The following FGL1 variants were observed in gnomAD, a reference collection of about 807,000 sequenced individuals.
FGL1 encodes fibrinogen-like protein 1.
FGL1 carries 59 observed loss-of-function variants against 43.7 expected under a neutral mutation model. The ratio of observed to expected loss-of-function variants is 1.35; its 90% CI spans 1.10 to 1.68. The LOEUF (loss-of-function observed/expected upper bound fraction) is 1.68, where lower values mean the gene tolerates loss of function less well. Among genes scored for constraint, FGL1 ranks in the 40% most tolerant of loss-of-function variants. The pLI is 0.00. For missense variants in FGL1, 596 were observed against 373.0 expected, an observed-to-expected ratio of 1.60 and a Z score of -4.92; for synonymous variants, 192 against 126.5, an observed-to-expected ratio of 1.52 and a Z score of -3.48.
intron 3 of FGL1, among the ~76,000 whole-genome samples, chr8:17,881,195 G>A (rs1339964226): frequency 1.3e-5 from 2 of 149,416 alleles, no homozygotes; most frequent in African/African-American, 2.5e-5. Context: ...GGAGTGCAGT[G>A]GCACGATCTT....
chr8:17,878,108 C>T (rs954955282), intron 3 of FGL1, among the ~76,000 whole-genome samples: 4 of 152,034 alleles, frequency 2.6e-5, no homozygotes, highest in African/African-American at 9.7e-5. Flanking sequence ...ATGCATGCAC[C>T]ACCAAGCCTG....
chr8:17,882,977 A>ATC (rs2053565246), intron 2 of FGL1, among the ~76,000 whole-genome samples: 1 of 92,968 alleles, frequency 1.1e-5, no homozygotes, highest in Non-Finnish European at 1.7e-5. Flanking sequence ...TAATATATTA[A>ATC]ATATATAATA....
At chr8:17,883,968 C>T (rs2053590292) in intron 2 of FGL1, among the ~76,000 whole-genome samples, 1 of 149,680 alleles carries the variant, frequency 6.7e-6, no homozygotes, top group African/African-American at 2.5e-5. Context: ...TCTTTTCTTT[C>T]CTTTCTTCCC....
At chr8:17,874,629 A>G in intron 3 of FGL1, 108 bp from the exon 4 acceptor site, 2 of 739,188 alleles carry the variant, frequency 2.7e-6, no homozygotes. Context: ...CAGATAACAC[A>G]TGGTATAGAA....
At chr8:17,889,260 C>A (rs140256751) in intron 1 of FGL1, among the ~76,000 whole-genome samples, 1 of 152,120 alleles carries the variant, frequency 6.6e-6, no homozygotes. Flanking sequence ...AACACTCTGC[C>A]GAACTTTGGC....
At chr8:17,885,341 A>G (rs2053611940) in intron 2 of FGL1, 151 bp downstream of exon 2, 5 of 634,710 alleles carry the variant, frequency 7.9e-6, no homozygotes, top group East Asian at 2.8e-5. Flanking sequence ...CTGCTTTACT[A>G]TGTGTCCAGT....
intron 1 of FGL1, among the ~76,000 whole-genome samples, chr8:17,894,985 T>G (rs1768986855): frequency 6.6e-6 from 1 of 150,946 alleles, no homozygotes; most frequent in South Asian, 2.1e-4. Context: ...TAATGAAATT[T>G]TTTTGACAGG....
chr8:17,871,124 A>G (rs186674689), intron 5 of FGL1, among the ~76,000 whole-genome samples: 70 of 152,226 alleles, frequency 4.6e-4, no homozygotes, highest in Non-Finnish European at 8.1e-4. Flanking sequence ...CTCTCAAGGT[A>G]GTAAAGGTCA....
At chr8:17,892,336 G>A (rs1563464301) in intron 1 of FGL1, among the ~76,000 whole-genome samples, 1 of 151,734 alleles carries the variant, frequency 6.6e-6, no homozygotes, top group East Asian at 1.9e-4. Flanking sequence ...AAATAAAGAT[G>A]GAAAACAAAA....
intron 1 of FGL1, among the ~76,000 whole-genome samples, chr8:17,892,932 G>A (rs1394097001): frequency 6.6e-6 from 1 of 152,190 alleles, no homozygotes; most frequent in African/African-American, 2.4e-5. Context: ...AGGCGTGGTG[G>A]CTCATGCCTG....
chr8:17,893,211 C>G (rs550714612), intron 1 of FGL1, among the ~76,000 whole-genome samples: 1 of 151,900 alleles, frequency 6.6e-6, no homozygotes, highest in Non-Finnish European at 1.5e-5. Context: ...AAAAAACAAA[C>G]AAACAAACAA....
At position 17,895,414 on chromosome 8, in the gene FGL1, A is replaced by G. The variant is rs769730197; in HGVS notation, c.-18+33T>C. 12 of 1,275,874 alleles carry G rather than the reference A, an allele frequency of 9.4e-6. No individual in the cohort carries two copies. In the African/African-American group the frequency reaches 1.1e-4, roughly 11 times the overall value. The allele number at this position is 1,275,874 out of a possible 1,614,324, so 79.0% of individuals were successfully genotyped here. On this transcript the variant is annotated intron_variant, in intron 1 of 7. Coordinates refer to ENST00000427924, the MANE Select transcript of FGL1 (RefSeq NM_004467.4). Reference sequence around the variant, plus strand: ...GAAATAAATTAGCATTATTACAAGCATGTCAAAAATGCAGAGACATTAAAT... The same window carrying G: ...GAAATAAATTAGCATTATTACAAGCGTGTCAAAAATGCAGAGACATTAAAT...
At chr8:17,871,348 G>C (rs1261531945) in intron 5 of FGL1, among the ~76,000 whole-genome samples, 1 of 151,960 alleles carries the variant, frequency 6.6e-6, no homozygotes, top group African/African-American at 2.4e-5. Flanking sequence ...ACAAAAATTA[G>C]CTGGGTGTGG....
intron 2 of FGL1, chr8:17,882,429 A>G (rs2053551466): frequency 2.9e-6 from 1 of 347,042 alleles, no homozygotes; most frequent in Non-Finnish European, 5.3e-6. Flanking sequence ...TCGCTATGCT[A>G]GGAGCTTTAT....
chr8:17,875,535 C>CTCTCTCTCTCTCTCTCTCTCTT (rs2053437627), intron 3 of FGL1, among the ~76,000 whole-genome samples: 1 of 25,456 alleles, frequency 3.9e-5, no homozygotes, highest in African/African-American at 1.4e-4. Context: ...TTCTTTCTTT[C>CTCTCTCTCTCTCTCTCTCTCTT]TCTTTCTTTC....
At chr8:17,871,929 A>T (rs17116494) in intron 5 of FGL1, among the ~76,000 whole-genome samples, 4 of 152,208 alleles carry the variant, frequency 2.6e-5, no homozygotes, top group African/African-American at 9.7e-5. Flanking sequence ...TGAATTTCAT[A>T]TATTTAGAAA....
Position 17,868,619 on chromosome 8 carries a change from C to T in FGL1, c.708G>A (p.Thr236=), listed in dbSNP as rs960450032. ...WASHQRMKFS[T]WDRDHDNYEG... is the part of the protein sequence containing the mutation. ...CATAGTTGTCATGATCTCTGTCCCA[C>T]GTGCTGAATTTCATTCTTTGGTGAC... Residue 236 remains threonine, a synonymous_variant, in exon 7 of 8, where the codon ACG becomes ACA. Coordinates refer to ENST00000427924, the MANE Select transcript of FGL1 (RefSeq NM_004467.4). 5.6e-6 allele frequency: 9 copies of T among 1,614,100 alleles called. No homozygotes were observed. The highest frequency in any genetic ancestry group is 7.6e-6 in the Non-Finnish European group (9 of 1,180,016).
intron 1 of FGL1, 122 bp from the exon 2 acceptor site, chr8:17,885,693 C>A: frequency 1.4e-6 from 1 of 707,682 alleles, no homozygotes. Context: ...ATCTTAGAGT[C>A]GCCGAGGAAA....
intron 3 of FGL1, among the ~76,000 whole-genome samples, chr8:17,879,178 C>T (rs2053499185): frequency 6.6e-6 from 1 of 151,656 alleles, no homozygotes; most frequent in Admixed American, 6.6e-5. Flanking sequence ...ATTATTATAA[C>T]AGTATTATAT....
Sources: gnomAD v4.1 joint callset for allele counts (sites outside exome capture counted in the v4.1 genomes callset) on GRCh38, gnomAD v4.1.1 for gene constraint, MANE v1.5 for transcripts, NCBI Gene and HGNC (gene_info 2026-07-23, HGNC 2026-07-21) for gene names.